The following PXDNL variants were observed in gnomAD, a reference collection of about 807,000 sequenced individuals.
PXDNL encodes the protein probable oxidoreductase PXDNL.
Under a neutral mutation model 150.8 loss-of-function variants are expected in PXDNL, and 145 were observed. That is an observed-to-expected ratio of 0.96 (90% confidence interval 0.84 to 1.10). The LOEUF (loss-of-function observed/expected upper bound fraction) is 1.10. PXDNL is among the 50% of genes least tolerant of loss of function. The probability of loss-of-function intolerance (pLI) is 0.00; values close to 1 mark genes in which losing one functional copy is unlikely to be tolerated. For synonymous variants in PXDNL, 757 were observed against 725.7 expected (o/e 1.04, Z -0.69); for missense variants, 2,087 against 1,873.9 (o/e 1.11, Z -2.10).
intron 8 of PXDNL, among the ~76,000 whole-genome samples, chr8:51,470,171 G>A (rs1424871321): frequency 1.3e-5 from 2 of 152,030 alleles, no homozygotes; most frequent in Admixed American, 1.3e-4. Flanking sequence ...TTTATCAAGT[G>A]CACTTGAGCA....
rs577544356 is a variant in PXDNL, at chr8:51,592,823, T to C, written c.237-125A>G. 19 of 576,848 alleles carry C rather than the reference T, an allele frequency of 3.3e-5. No individual in the cohort carries two copies. In the East Asian group the frequency reaches 5.7e-4, roughly 17 times the overall value. 35.7% of individuals were successfully genotyped at this position (576,848 alleles called of 1,614,324 possible). The stretch of plus-strand genomic sequence containing the variant: ...ATATTTACTGACATGGTTCACTAAA[T>C]TTGGAAATTTATACTTTAATTCCCT... On this transcript the variant is annotated intron_variant, in intron 2 of 22. Transcript: ENST00000356297.
chr8:51,411,555 T>G (rs1808651228), intron 15 of PXDNL, 148 bp from the exon 16 acceptor site: 1 of 664,208 alleles, frequency 1.5e-6, no homozygotes, highest in Non-Finnish European at 2.3e-6. Context: ...ACAGAGGAGC[T>G]GTGGGTTCTT....
intron 17 of PXDNL, 94 bp downstream of exon 17, chr8:51,407,973 C>A: frequency 9.0e-7 from 1 of 1,110,106 alleles, no homozygotes; most frequent in East Asian, 2.6e-5. Context: ...CTGCAGCACC[C>A]CCAGGGAACC....
intron 1 of PXDNL, among the ~76,000 whole-genome samples, chr8:51,742,023 C>G (rs2036913153): frequency 6.6e-6 from 1 of 152,166 alleles, no homozygotes; most frequent in Non-Finnish European, 1.5e-5. Context: ...GGTTAAACAA[C>G]CTGTGCTACA....
At chr8:51,458,854 T>C (rs541282308) in intron 8 of PXDNL, among the ~76,000 whole-genome samples, 3 of 152,354 alleles carry the variant, frequency 2.0e-5, no homozygotes, top group East Asian at 1.9e-4. Context: ...TATTTGACTT[T>C]TATGTTTTAG....
chr8:51,564,784 C>T (rs2130569811), intron 3 of PXDNL, among the ~76,000 whole-genome samples: 1 of 152,008 alleles, frequency 6.6e-6, no homozygotes, highest in African/African-American at 2.4e-5. Flanking sequence ...GATGCCAAAA[C>T]CATTGGTGAA....
At chr8:51,359,531 T>C (rs1328873017) in intron 19 of PXDNL, among the ~76,000 whole-genome samples, 4 of 150,402 alleles carry the variant, frequency 2.7e-5, no homozygotes, top group Non-Finnish European at 5.9e-5. Context: ...AGGGTAGACC[T>C]AATGCTCAAA....
At chr8:51,727,645 C>T (rs747798833) in intron 1 of PXDNL, among the ~76,000 whole-genome samples, 1 of 151,748 alleles carries the variant, frequency 6.6e-6, no homozygotes, top group Non-Finnish European at 1.5e-5. Flanking sequence ...TTATAACTGA[C>T]TAAAAAAAGG....
chr8:51,380,793 G>A (rs981161993), intron 17 of PXDNL, among the ~76,000 whole-genome samples: 8 of 151,998 alleles, frequency 5.3e-5, no homozygotes, highest in African/African-American at 1.7e-4. Flanking sequence ...TATTTAGTTA[G>A]GATGTTTCAT....
At position 51,339,617 on chromosome 8, in the gene PXDNL, A is replaced by G. The variant is rs1193599402; in HGVS notation, c.4146+7T>C. On this transcript the variant is annotated splice_region_variant and intron_variant, in intron 21 of 22. Coordinates refer to ENST00000356297, the MANE Select transcript of PXDNL (RefSeq NM_144651.5). ...ATAAGGACATGTTATTTGAAGAGAA[A>G]ACAAACCTGCTCTCTGAGTGCTGTG... 6.2e-7 allele frequency: 1 copy of G among 1,611,474 alleles called. No homozygotes were observed. The highest frequency in any genetic ancestry group is 2.2e-5 in the East Asian group (1 of 44,816).
chr8:51,335,470 T>G (rs533266153), intron 21 of PXDNL, among the ~76,000 whole-genome samples: 1 of 152,276 alleles, frequency 6.6e-6, no homozygotes, highest in African/African-American at 2.4e-5. Context: ...CCTGGTGAGC[T>G]CCTTTCAGTA....
intron 1 of PXDNL, among the ~76,000 whole-genome samples, chr8:51,764,561 TTGTTTATTTAGATG>T (rs1039341790): frequency 3.5e-5 from 4 of 114,306 alleles, no homozygotes; most frequent in African/African-American, 2.2e-4. Context: ...CTCTGAATCA[TTGTTTATTTAGATG>T]TGTTTTGCTT....
intron 4 of PXDNL, among the ~76,000 whole-genome samples, chr8:51,520,508 A>G (rs748767599): frequency 1.3e-5 from 2 of 151,940 alleles, no homozygotes; most frequent in Non-Finnish European, 2.9e-5. Context: ...AGAGGACCCA[A>G]ATCTCCTCGG....
intron 2 of PXDNL, among the ~76,000 whole-genome samples, chr8:51,622,454 G>T (rs911022145): frequency 6.6e-6 from 1 of 152,144 alleles, no homozygotes; most frequent in African/African-American, 2.4e-5. Context: ...GTTGTTTGGG[G>T]TTATATAAAT....
At chr8:51,804,669 A>G (rs773761676) in intron 1 of PXDNL, among the ~76,000 whole-genome samples, 16 of 152,116 alleles carry the variant, frequency 1.1e-4, no homozygotes, top group East Asian at 1.9e-4. Context: ...CTACTATTCC[A>G]TAACACATCC....
rs150963945 is a variant in PXDNL, at chr8:51,703,459, G to A, written c.165-48699C>T. 9.2e-5 allele frequency among the ~76,000 whole-genome samples: 14 copies of A among 152,208 alleles called. No homozygotes were observed. The East Asian group carries it at 1.5e-3, about 17-fold the overall frequency. Reference sequence around the variant, plus strand: ...ATTTTTCATATAAACCAGTACAATCGTATCTTTGCCAACAATCTCAGGATT... The same window carrying A: ...ATTTTTCATATAAACCAGTACAATCATATCTTTGCCAACAATCTCAGGATT... On this transcript the variant is annotated intron_variant, in intron 1 of 22. Coordinates refer to ENST00000356297, the MANE Select transcript of PXDNL (RefSeq NM_144651.5).
intron 1 of PXDNL, among the ~76,000 whole-genome samples, chr8:51,710,177 A>C (rs1816465854): frequency 6.6e-6 from 1 of 152,096 alleles, no homozygotes; most frequent in South Asian, 2.1e-4. Flanking sequence ...CTCCACCAAA[A>C]ATTGATTCTG....
chr8:51,548,760 A>G (rs1446978292), intron 4 of PXDNL, among the ~76,000 whole-genome samples: 1 of 152,146 alleles, frequency 6.6e-6, no homozygotes, highest in Non-Finnish European at 1.5e-5. Flanking sequence ...ATAAAACATA[A>G]CACAGTGGAA....
chr8:51,340,360 A>G (rs550812158), intron 20 of PXDNL, among the ~76,000 whole-genome samples: 1 of 152,220 alleles, frequency 6.6e-6, no homozygotes, highest in Non-Finnish European at 1.5e-5. Context: ...CAAATAACTA[A>G]TTTGGGAAAT....
Sources: gnomAD v4.1 joint callset for allele counts (sites outside exome capture counted in the v4.1 genomes callset) on GRCh38, gnomAD v4.1.1 for gene constraint, MANE v1.5 for transcripts, NCBI Gene and HGNC (gene_info 2026-07-23, HGNC 2026-07-21) for gene names.